The following FER variants were observed in gnomAD, a reference collection of about 807,000 sequenced individuals.
The protein encoded by FER is FER tyrosine kinase.
FER carries 63 observed loss-of-function variants against 111.0 expected under a neutral mutation model. The observed-to-expected ratio is 0.57, with a 90% CI of 0.46 to 0.70. The LOEUF (loss-of-function observed/expected upper bound fraction) is 0.70. Among genes scored for constraint, FER ranks in the 30% least tolerant of loss-of-function variants. FER has a pLI of 0.00. For missense variants in FER, 914 were observed against 954.0 expected (o/e 0.96, Z 0.55); for synonymous variants, 327 against 313.9 (o/e 1.04, Z -0.44).
intron 9 of FER, 104 bp from the exon 10 acceptor site, chr5:108,897,555 G>A: frequency 2.6e-6 from 2 of 783,446 alleles, no homozygotes; most frequent in Non-Finnish European, 3.7e-6. Context: ...ATTCTAAAGG[G>A]CTCTTATAAA....
Position 108,888,350 on chromosome 5 carries a change from A to G in FER, c.1046+4832A>G, listed in dbSNP as rs80017305. 3.5e-3 allele frequency among the ~76,000 whole-genome samples: 525 copies of G among 152,060 alleles called. 3 individuals carry two copies. The highest frequency in any genetic ancestry group is 0.012 in the African/African-American group (478 of 41,540). On this transcript the variant is annotated intron_variant, in intron 9 of 19. Coordinates refer to ENST00000281092, the MANE Select transcript of FER (RefSeq NM_005246.4). ...TGGTCACGTGGCTCATGAAACTTAC[A>G]CTTTTGTGGAGGAAACCAACACAAA...
At chr5:108,891,885 A>G (rs938871535) in intron 9 of FER, among the ~76,000 whole-genome samples, 10 of 151,848 alleles carry the variant, frequency 6.6e-5, no homozygotes, top group Admixed American at 1.3e-4. Context: ...TCATTGTTCA[A>G]TTCCCACCTA....
At chr5:108,969,371 G>A (rs561761485) in intron 13 of FER, among the ~76,000 whole-genome samples, 50 of 152,226 alleles carry the variant, frequency 3.3e-4, no homozygotes, top group African/African-American at 1.0e-3. Flanking sequence ...ACTGACTGGG[G>A]AGAGCTCCAA....
chr5:108,981,428 T>C (rs1762006642), intron 13 of FER, among the ~76,000 whole-genome samples: 3 of 152,026 alleles, frequency 2.0e-5, no homozygotes, highest in African/African-American at 7.2e-5. Context: ...CCTCCTTATA[T>C]AAGGTAAATA....
intron 10 of FER, among the ~76,000 whole-genome samples, chr5:108,915,301 C>T (rs952405933): frequency 6.6e-5 from 10 of 152,028 alleles, no homozygotes; most frequent in African/African-American, 1.7e-4. Flanking sequence ...GGTGAAATCC[C>T]GTCTCTACTA....
intron 16 of FER, among the ~76,000 whole-genome samples, chr5:109,050,337 T>C (rs1772609136): frequency 6.6e-6 from 1 of 152,190 alleles, no homozygotes; most frequent in Non-Finnish European, 1.5e-5. Context: ...AAACACCGTA[T>C]TGGCCCACAC....
chr5:109,151,482 G>A (rs796619828), intron 17 of FER, among the ~76,000 whole-genome samples: 41 of 152,182 alleles, frequency 2.7e-4, no homozygotes, highest in African/African-American at 8.9e-4. Context: ...GTTAGATAAC[G>A]TGACCAGGGT....
intron 10 of FER, among the ~76,000 whole-genome samples, chr5:108,937,302 G>A (rs1309250006): frequency 6.6e-6 from 1 of 151,846 alleles, no homozygotes; most frequent in Non-Finnish European, 1.5e-5. Context: ...TCATTGAAAT[G>A]GGAAACTGAT....
At chr5:109,026,430 T>C in intron 13 of FER, among the ~76,000 whole-genome samples, 1 of 125,710 alleles carries the variant, frequency 8.0e-6, no homozygotes, top group East Asian at 2.4e-4. Context: ...TTTCAATAAG[T>C]TTTTTTTTTT....
At chr5:108,929,624 T>C (rs1219530880) in intron 10 of FER, among the ~76,000 whole-genome samples, 2 of 152,040 alleles carry the variant, frequency 1.3e-5, no homozygotes, top group East Asian at 3.9e-4. Context: ...AAGGAAGTCA[T>C]TAAAAATGTC....
intron 14 of FER, among the ~76,000 whole-genome samples, chr5:109,043,395 TTAAG>T (rs1410563268): frequency 2.6e-5 from 4 of 152,204 alleles, no homozygotes; most frequent in Non-Finnish European, 5.9e-5. Context: ...TGTTTACTGT[TTAAG>T]TATATTTTTT....
At chr5:109,051,317 T>G in intron 16 of FER, 1 of 1,574,556 alleles carries the variant, frequency 6.4e-7, no homozygotes, top group Non-Finnish European at 8.7e-7. Context: ...TGTATCTAGA[T>G]CTCCAGGTCA....
chr5:108,810,904 C>T (rs554812410), intron 3 of FER, among the ~76,000 whole-genome samples: 46 of 151,780 alleles, frequency 3.0e-4, no homozygotes, highest in African/African-American at 4.4e-4. Context: ...GCTTCCAGTC[C>T]GGGCATGCAG....
At chr5:108,836,754 C>T (rs1369814350) in intron 5 of FER, among the ~76,000 whole-genome samples, 1 of 152,050 alleles carries the variant, frequency 6.6e-6, no homozygotes, top group Non-Finnish European at 1.5e-5. Context: ...AGAAGTGATA[C>T]TGATTTAAAT....
chr5:109,159,948 A>G (rs750848777), intron 17 of FER, among the ~76,000 whole-genome samples: 5 of 152,142 alleles, frequency 3.3e-5, no homozygotes, highest in Non-Finnish European at 7.4e-5. Context: ...GATGGTTATT[A>G]AAGTGACAAA....
chr5:108,835,741 A>G lies in FER; in HGVS notation c.415A>G (p.Ser139Gly). ...AACAGAATTGGAGAAGTTAAAATGC[A>G]GCTATAGACAATTAATAAAAGAAAT... is the stretch of plus-strand genomic sequence containing the variant. ...TKTELEKLKCSYRQLIKEMNS... is the reference protein window; with the variant it reads ...TKTELEKLKCGYRQLIKEMNS... The change falls in exon 5 of 20, where the codon AGC (serine) becomes GGC (glycine). Residue 139 changes from serine to glycine, a missense_variant. Coordinates refer to ENST00000281092, the MANE Select transcript of FER (RefSeq NM_005246.4). 6.4e-7 allele frequency: 1 copy of G among 1,573,000 alleles called. No homozygotes were observed. The highest frequency in any genetic ancestry group is 8.6e-7 in the Non-Finnish European group (1 of 1,166,058).
At chr5:108,908,355 C>T (rs1751074060) in intron 10 of FER, among the ~76,000 whole-genome samples, 1 of 152,104 alleles carries the variant, frequency 6.6e-6, no homozygotes, top group Admixed American at 6.6e-5. Context: ...AATGAAATTG[C>T]TAAAGAAATT....
At chr5:109,132,227 A>C (rs1420234989) in intron 17 of FER, among the ~76,000 whole-genome samples, 1 of 152,186 alleles carries the variant, frequency 6.6e-6, no homozygotes, top group Non-Finnish European at 1.5e-5. Context: ...CAAATATCAC[A>C]TCTGATATTA....
At chr5:109,086,408 C>G (rs1309019105) in intron 16 of FER, among the ~76,000 whole-genome samples, 1 of 151,630 alleles carries the variant, frequency 6.6e-6, no homozygotes, top group Non-Finnish European at 1.5e-5. Context: ...TGTGTTTTCT[C>G]CCCTTTTTTG....
Sources: allele counts gnomAD v4.1 joint callset (sites outside exome capture counted in the v4.1 genomes callset), GRCh38; gene constraint gnomAD v4.1.1; transcripts MANE v1.5; gene names NCBI Gene and HGNC (gene_info 2026-07-23, HGNC 2026-07-21).